Variants in ZNF721 observed in about 807,000 individuals in gnomAD.
The protein encoded by ZNF721 is zinc finger protein 721.
ZNF721 carries 2 observed loss-of-function variants against 2.4 expected under a neutral mutation model. The observed-to-expected ratio is 0.82, with a 90% CI of 0.34 to 2.58. ZNF721 has a LOEUF of 2.58. Ranked by LOEUF, ZNF721 falls within the 30% of genes most tolerant of loss-of-function variation. The probability of loss-of-function intolerance (pLI) is 0.11; values close to 1 mark genes in which losing one functional copy is unlikely to be tolerated. For missense variants in ZNF721, 1,187 were observed against 1,085.5 expected (o/e 1.09, Z -1.31); for synonymous variants, 398 against 381.8 (o/e 1.04, Z -0.50).
At chr4:454,064 C>G (rs1714759212) in intron 2 of ZNF721, 1 of 147,760 alleles carries the variant, frequency 6.8e-6, no homozygotes. Context: ...TACTCCAAAT[C>G]AACAGCATTG....
intron 1 of ZNF721, among the ~76,000 whole-genome samples, chr4:485,625 G>A (rs1490096297): frequency 1.3e-5 from 2 of 152,162 alleles, no homozygotes; most frequent in Non-Finnish European, 2.9e-5. Context: ...AGACATTTGG[G>A]AGCATGGTTG....
intron 2 of ZNF721, among the ~76,000 whole-genome samples, chr4:447,923 C>G (rs1049894412): frequency 5.3e-5 from 8 of 152,108 alleles, no homozygotes; most frequent in Non-Finnish European, 7.4e-5. Context: ...AAAGCCAATA[C>G]TGACAGAATT....
In ZNF721 at chr4:448,996, T is replaced by A. The variant is rs1018492985; in HGVS notation, c.35-4564A>T. ...AAGTCATGAAGAGACAGAAACTGTA[T>A]GAATCAACTTACATCAGATATCTAA... On this transcript the variant is annotated intron_variant, in intron 2 of 2. Coordinates refer to ENST00000511833, the MANE Select transcript of ZNF721 (RefSeq NM_133474.4). Among the ~76,000 whole-genome samples, 4 of 152,312 alleles carry A rather than the reference T, an allele frequency of 2.6e-5. No individual in the cohort carries two copies. In the South Asian group the frequency reaches 6.2e-4, roughly 24 times the overall value.
At chr4:491,670 A>G (rs1337525734) in intron 1 of ZNF721, among the ~76,000 whole-genome samples, 2 of 152,244 alleles carry the variant, frequency 1.3e-5, no homozygotes, top group Admixed American at 6.5e-5. Flanking sequence ...TCCAACATGT[A>G]TGAGAGGTTC....
Position 443,430 on chromosome 4 carries a change from G to A in ZNF721, c.1037C>T (p.Ala346Val). The change falls in exon 3 of 3, where the codon GCA becomes GTA. Residue 346 changes from alanine (A) to valine (V), a missense_variant. By Grantham distance (64) the Ala-to-Val change is moderately conservative (BLOSUM62 0). Transcript: ENST00000511833. The part of the protein sequence containing the change: ...GECGKTFRQS[A>V]NLYVHRRIHT... ...AATTCTCCTATGTACGTAAAGGTTT[G>A]CGGACTGTCTAAAGGTTTTGCCACA... is the stretch of plus-strand genomic sequence containing the variant. 6.2e-7 allele frequency: 1 copy of A among 1,612,136 alleles called. No individual in the cohort carries two copies. The highest frequency in any genetic ancestry group is 8.5e-7 in the Non-Finnish European group (1 of 1,178,416).
At position 443,349 on chromosome 4, in the gene ZNF721, T is replaced by G. The variant is rs371164393; in HGVS notation, c.1118A>C (p.Tyr373Ser). Residue 373 changes from tyrosine to serine, a missense_variant, in exon 3 of 3, where the codon TAC (tyrosine) becomes TCC (serine). Transcript: ENST00000511833. ...TTTCTTGTGTTGATTCAGGGCTGTG[T>G]ACCGTCCAAAGGCTTTGCCACAGTC... The part of the protein sequence containing the change: ...CEDCGKAFGR[Y>S]TALNQHKKIH... 1.2e-6 allele frequency: 2 copies of G among 1,613,822 alleles called. No homozygotes were observed. Among genetic ancestry groups the G allele is most frequent in the Non-Finnish European group, 1.7e-6 (2 of 1,179,910 alleles).
At chr4:465,441 T>G (rs1293386602) in intron 2 of ZNF721, among the ~76,000 whole-genome samples, 4 of 151,560 alleles carry the variant, frequency 2.6e-5, no homozygotes, top group Non-Finnish European at 5.9e-5. Context: ...TTTTGTTTTT[T>G]TTTTTTTTGA....
At chr4:493,187 A>AG (rs1415989796) in intron 1 of ZNF721, among the ~76,000 whole-genome samples, 1 of 151,994 alleles carries the variant, frequency 6.6e-6, no homozygotes, top group East Asian at 1.9e-4. Flanking sequence ...AAAAAAAAAA[A>AG]AAATATGGCC....
At chr4:485,450 G>C (rs1242745937) in intron 1 of ZNF721, among the ~76,000 whole-genome samples, 2 of 151,900 alleles carry the variant, frequency 1.3e-5, no homozygotes, top group Non-Finnish European at 2.9e-5. Context: ...ACAAGCAGTA[G>C]AGGTGAGTAG....
intron 1 of ZNF721, among the ~76,000 whole-genome samples, chr4:488,752 C>G (rs1553870986): frequency 1.3e-5 from 2 of 152,170 alleles, no homozygotes; most frequent in African/African-American, 4.8e-5. Context: ...ATCACTTGAA[C>G]ACAGTAGGTG....
chr4:498,056 T>G (rs1426504653), intron 1 of ZNF721, among the ~76,000 whole-genome samples: 8 of 150,884 alleles, frequency 5.3e-5, no homozygotes. Flanking sequence ...AATACAAAAA[T>G]TAGCCGTGCG....
chr4:469,023 G>A (rs1715345862), intron 2 of ZNF721, among the ~76,000 whole-genome samples: 1 of 152,138 alleles, frequency 6.6e-6, no homozygotes, highest in African/African-American at 2.4e-5. Context: ...CCCTAGAGTA[G>A]AATAACAAAA....
chr4:464,013 AT>A (rs1553866433), intron 2 of ZNF721, among the ~76,000 whole-genome samples: 2 of 152,208 alleles, frequency 1.3e-5, no homozygotes. Flanking sequence ...AGATTACTAA[AT>A]TTTTTGCAAC....
At chr4:458,176 T>G (rs189029024) in intron 2 of ZNF721, among the ~76,000 whole-genome samples, 1 of 152,328 alleles carries the variant, frequency 6.6e-6, no homozygotes, top group Non-Finnish European at 1.5e-5. Context: ...CAGATATAAC[T>G]GGAAGCTTTT....
chr4:461,546 C>A (rs1486358964), intron 2 of ZNF721, among the ~76,000 whole-genome samples: 7 of 152,168 alleles, frequency 4.6e-5, no homozygotes, highest in African/African-American at 1.7e-4. Flanking sequence ...TGGGACAAGA[C>A]AAGGATGCCC....
chr4:459,160 T>C (rs902168683), intron 2 of ZNF721, among the ~76,000 whole-genome samples: 5 of 151,876 alleles, frequency 3.3e-5, no homozygotes, highest in Non-Finnish European at 7.4e-5. Context: ...GATGGACATA[T>C]GAAAAAGAAA....
intron 2 of ZNF721, among the ~76,000 whole-genome samples, chr4:456,050 T>TTTTTTTTA (rs372286059): frequency 4.8e-5 from 7 of 144,406 alleles, no homozygotes; most frequent in African/African-American, 1.8e-4. Flanking sequence ...CCAAAAAAAT[T>TTTTTTTTA]TTTATTTATT....
chr4:443,211 C>T lies in ZNF721; in HGVS notation c.1256G>A (p.Cys419Tyr). 6.2e-7 allele frequency: 1 copy of T among 1,613,942 alleles called. No individual in the cohort carries two copies. The highest frequency in any genetic ancestry group is 8.5e-7 in the Non-Finnish European group (1 of 1,179,894). The change falls in exon 3 of 3, where the codon TGT (cysteine) becomes TAT (tyrosine). Residue 419 changes from cysteine to tyrosine, a missense_variant. Transcript: ENST00000511833. ...RIHTREKPYTCEDRGRAFGLS... is the reference protein window; with the variant it reads ...RIHTREKPYTYEDRGRAFGLS... Reference sequence around the variant, plus strand: ...TCCAAAGGCTCTGCCACGATCTTCACATGTGTAGGGTTTCTCTCTGGTGTG... The same window carrying T: ...TCCAAAGGCTCTGCCACGATCTTCATATGTGTAGGGTTTCTCTCTGGTGTG...
chr4:493,696 A>C (rs996974869), intron 1 of ZNF721, among the ~76,000 whole-genome samples: 4 of 152,086 alleles, frequency 2.6e-5, no homozygotes, highest in African/African-American at 9.7e-5. Context: ...AAAAAAAAAA[A>C]AAAAAGGTTA....
Sources: gnomAD v4.1 joint callset for allele counts (sites outside exome capture counted in the v4.1 genomes callset) on GRCh38, gnomAD v4.1.1 for gene constraint, MANE v1.5 for transcripts, NCBI Gene and HGNC (gene_info 2026-07-23, HGNC 2026-07-21) for gene names.